Variants in CLCA4 observed in about 807,000 individuals in gnomAD.
The protein encoded by CLCA4 is chloride channel accessory 4, also known as calcium-activated chloride channel regulator 4.
In CLCA4, 69 loss-of-function variants were observed where a neutral mutation model predicts 78.9. The observed-to-expected ratio is 0.87, with a 90% confidence interval of 0.72 to 1.07. The LOEUF is 1.07. Among genes scored for constraint, CLCA4 ranks in the 50% least tolerant of loss-of-function variants. The pLI is 0.00. For missense variants in CLCA4, 1,133 were observed against 1,095.8 expected (o/e 1.03, Z -0.48); for synonymous variants, 362 against 375.8 (o/e 0.96, Z 0.42).
chr1:86,551,511 T>A (rs1649662259), intron 1 of CLCA4, among the ~76,000 whole-genome samples: 1 of 152,180 alleles, frequency 6.6e-6, no homozygotes, highest in African/African-American at 2.4e-5. Context: ...GCTCACTCCC[T>A]GAGGCAGCAC....
chr1:86,548,684 GAAA>G (rs10615856), intron 1 of CLCA4, among the ~76,000 whole-genome samples: 115 of 94,118 alleles, frequency 1.2e-3, no homozygotes, highest in African/African-American at 3.8e-3. Flanking sequence ...TCCCTCTCTG[GAAA>G]AAAAAAAAAA....
At chr1:86,579,165 G>C (rs1650623650) in intron 12 of CLCA4, among the ~76,000 whole-genome samples, 189 bp from the exon 13 acceptor site, 1 of 151,978 alleles carries the variant, frequency 6.6e-6, no homozygotes, top group African/African-American at 2.4e-5. Flanking sequence ...TTCTGATTCT[G>C]TCCTACAATA....
chr1:86,560,174 A>AT (rs762083915), intron 2 of CLCA4, 37 bp from the exon 3 acceptor site: 2 of 1,575,724 alleles, frequency 1.3e-6, no homozygotes. Flanking sequence ...TATCTTTTTT[A>AT]TTTTTGATGT....
intron 1 of CLCA4, among the ~76,000 whole-genome samples, chr1:86,554,497 C>A (rs932909696): frequency 6.6e-6 from 1 of 151,950 alleles, no homozygotes; most frequent in African/African-American, 2.4e-5. Context: ...ACTCCTGACC[C>A]GAAGTGATCT....
Position 86,565,834 on chromosome 1 carries a change from T to C in CLCA4, c.768T>C (p.Asn256=). ...VVEFCNEKTH[N]QEAPSLQNIK... ...AATTTTGTAACGAAAAAACCCATAA[T>C]CAAGAAGCTCCAAGCCTACAAAACA... The change falls in exon 6 of 14, where the codon AAT becomes AAC. Residue 256 remains asparagine (N), a synonymous_variant. Transcript: ENST00000370563. The C allele has an allele frequency of 6.4e-7, 1 of 1,556,988 alleles. No homozygotes were observed. Among genetic ancestry groups the C allele is most frequent in the Non-Finnish European group, 8.7e-7 (1 of 1,152,618 alleles).
intron 4 of CLCA4, 108 bp from the exon 5 acceptor site, chr1:86,565,166 G>A (rs1650139672): frequency 1.4e-6 from 1 of 693,568 alleles, no homozygotes; most frequent in Non-Finnish European, 2.4e-6. Flanking sequence ...TGGTACCATA[G>A]AAGAATAAAC....
intron 3 of CLCA4, among the ~76,000 whole-genome samples, chr1:86,561,103 A>G (rs994974578): frequency 3.3e-5 from 5 of 152,164 alleles, no homozygotes; most frequent in African/African-American, 1.2e-4. Context: ...TCTCTGCCAA[A>G]CATTCAGCTA....
At chr1:86,565,134 T>A in intron 4 of CLCA4, 140 bp from the exon 5 acceptor site, 1 of 558,788 alleles carries the variant, frequency 1.8e-6, no homozygotes, top group Non-Finnish European at 3.1e-6. Flanking sequence ...CCTTAAACCC[T>A]ATAGCCAGGA....
intron 1 of CLCA4, among the ~76,000 whole-genome samples, chr1:86,550,833 CTT>C (rs776646480): frequency 1.3e-4 from 18 of 134,386 alleles, no homozygotes; most frequent in Non-Finnish European, 1.6e-4. Context: ...GGGATCATTT[CTT>C]TTTTTTTTTT....
intron 1 of CLCA4, chr1:86,553,232 G>C: frequency 9.2e-7 from 1 of 1,085,442 alleles, no homozygotes; most frequent in South Asian, 1.3e-5. Flanking sequence ...ACATGTCCAA[G>C]AGGGACTGCC....
chr1:86,552,687 G>A (rs1231688737), intron 1 of CLCA4: 10 of 1,090,754 alleles, frequency 9.2e-6, no homozygotes, highest in African/African-American at 1.5e-5. Context: ...ATGGAGCTGG[G>A]GCACGGGGTG....
chr1:86,565,221 TGTAA>T (rs1650141752), intron 4 of CLCA4, 49 bp from the exon 5 acceptor site: 1 of 1,281,296 alleles, frequency 7.8e-7, no homozygotes, highest in African/African-American at 1.5e-5. Flanking sequence ...TTAAGATTTC[TGTAA>T]GTGCTAATGA....
At chr1:86,552,947 C>T in intron 1 of CLCA4, 1 of 639,662 alleles carries the variant, frequency 1.6e-6, no homozygotes, top group Admixed American at 2.6e-5. Flanking sequence ...GGCGTCTGTG[C>T]TGAGGTGACT....
At position 86,580,011 on chromosome 1, in the gene CLCA4, A is replaced by G. The variant is rs749240990; in HGVS notation, c.2426A>G (p.Gln809Arg). 1 of 1,608,924 alleles carries G rather than the reference A, an allele frequency of 6.2e-7. No individual in the cohort carries two copies. Among genetic ancestry groups the G allele is most frequent in the East Asian group, 2.2e-5 (1 of 44,748 alleles). ...AGAGACAGTTTTGATGATGCTCTTC[A>G]AGTAAATACTACTGATCTGTCACCA... The part of the protein sequence containing the change: ...DLRDSFDDAL[Q>R]VNTTDLSPKE... Residue 809 changes from glutamine to arginine, a missense_variant, in exon 14 of 14, where the codon CAA becomes CGA. Gln to Arg is a conservative substitution (Grantham distance 43). Transcript: ENST00000370563.
rs1650178560 is a variant in CLCA4 at position 86,565,982 on chromosome 1, A to T, written c.916A>T (p.Ile306Phe). Residue 306 changes from isoleucine (I) to phenylalanine (F), a missense_variant, in exon 6 of 14, where the codon ATT becomes TTT. Transcript: ENST00000370563. The stretch of plus-strand genomic sequence containing the variant: ...CTCATTGCTGAAGATCAGTCAAAGA[A>T]TTGTGTGCTTAGTTCTTGATAAGTC... ...VFSLLKISQR[I>F]VCLVLDKSGS... The T allele has an allele frequency of 1.2e-6, 2 of 1,613,020 alleles. No homozygotes were observed. Among genetic ancestry groups the T allele is most frequent in the Non-Finnish European group, 1.7e-6 (2 of 1,179,292 alleles).
rs945533922 is a variant in CLCA4, at chr1:86,575,565, T to C, written c.1917T>C (p.His639=). 2.5e-6 allele frequency: 4 copies of C among 1,612,936 alleles called. No homozygotes were observed. The highest frequency in any genetic ancestry group is 3.4e-6 in the Non-Finnish European group (4 of 1,179,322). The change falls in exon 11 of 14, where the codon CAT becomes CAC. Residue 639 remains histidine (H), a synonymous_variant. Transcript: ENST00000370563. ...VTAFIESQNG[H]TEVLELLDNG... is the part of the protein sequence containing the mutation. ...CTTTCATTGAATCACAGAATGGACATACAGAAGTTTTGGAACTTTTGGATA... is the reference window on the plus strand; with the variant it reads ...CTTTCATTGAATCACAGAATGGACACACAGAAGTTTTGGAACTTTTGGATA...
intron 6 of CLCA4, among the ~76,000 whole-genome samples, chr1:86,566,976 G>T (rs1258696120): frequency 6.6e-6 from 1 of 152,012 alleles, no homozygotes; most frequent in East Asian, 1.9e-4. Flanking sequence ...TACCTTTTGG[G>T]CAGTCTAGTT....
Position 86,565,928 on chromosome 1 carries a change from A to G in CLCA4, c.862A>G (p.Met288Val), listed in dbSNP as rs775266586. Residue 288 changes from methionine to valine, a missense_variant, in exon 6 of 14, where the codon ATG (methionine) becomes GTG (valine). Met to Val is a conservative substitution (Grantham distance 21, BLOSUM62 1). Transcript: ENST00000370563. ...TGAGGATTTTAAAAACACCATACCC[A>G]TGGTGACACCACCTCCTCCACCTGT... is the stretch of plus-strand genomic sequence containing the variant. ...NSEDFKNTIP[M>V]VTPPPPPVFS... The G allele has an allele frequency of 2.5e-6, 4 of 1,613,410 alleles. No homozygotes were observed. The highest frequency in any genetic ancestry group is 1.7e-5 in the Admixed American group (1 of 59,990).
At chr1:86,566,087 G>T in intron 6 of CLCA4, 67 bp downstream of exon 6, 1 of 1,370,650 alleles carries the variant, frequency 7.3e-7, no homozygotes, top group Non-Finnish European at 1.0e-6. Flanking sequence ...ACTGAACTCT[G>T]TCTGCACCTA....
Sources: allele counts gnomAD v4.1 joint callset (sites outside exome capture counted in the v4.1 genomes callset), GRCh38; gene constraint gnomAD v4.1.1; transcripts MANE v1.5; gene names NCBI Gene and HGNC (gene_info 2026-07-23, HGNC 2026-07-21).